Variants in DDAH1 observed in about 807,000 individuals in gnomAD.
DDAH1 encodes the protein N(G),N(G)-dimethylarginine dimethylaminohydrolase 1.
DDAH1 carries 19 observed loss-of-function variants against 28.8 expected under a neutral mutation model. The observed-to-expected ratio is 0.66, with a 90% CI of 0.46 to 0.97. DDAH1 has a LOEUF of 0.97. DDAH1 is among the 50% of genes least tolerant of loss of function. The pLI is 0.00. For synonymous variants in DDAH1, 153 were observed against 154.4 expected, an observed-to-expected ratio of 0.99 and a Z score of 0.07; for missense variants, 326 against 375.9, an observed-to-expected ratio of 0.87 and a Z score of 1.10.
chr1:85,428,423 T>C (rs1320925704), intron 1 of DDAH1, among the ~76,000 whole-genome samples: 2 of 152,040 alleles, frequency 1.3e-5, no homozygotes, highest in Non-Finnish European at 2.9e-5. Context: ...TCAGAACTCA[T>C]AAGACTTATT....
At chr1:85,520,935 A>G (rs1164726844) in intron 1 of DDAH1, among the ~76,000 whole-genome samples, 2 of 152,130 alleles carry the variant, frequency 1.3e-5, no homozygotes, top group Non-Finnish European at 2.9e-5. Context: ...AAGCATAAAG[A>G]AGGTATTTAT....
chr1:85,386,733 C>T (rs1404638234), intron 1 of DDAH1, among the ~76,000 whole-genome samples: 1 of 152,144 alleles, frequency 6.6e-6, no homozygotes, highest in Non-Finnish European at 1.5e-5. Context: ...CCTACATTTC[C>T]CTGCCACACT....
chr1:85,577,965 C>A, intron 1 of DDAH1: 1 of 985,456 alleles, frequency 1.0e-6, no homozygotes, highest in Non-Finnish European at 1.2e-6. Context: ...ACAGAATTAG[C>A]ACCCGAAGCA....
intron 1 of DDAH1, among the ~76,000 whole-genome samples, chr1:85,433,449 A>G (rs1653796247): frequency 6.6e-6 from 1 of 152,184 alleles, no homozygotes; most frequent in Non-Finnish European, 1.5e-5. Context: ...AAACAACGAC[A>G]ACTGCAATAA....
Position 85,464,751 on chromosome 1 carries a change from T to C in DDAH1, c.295A>G (p.Arg99Gly), listed in dbSNP as rs1413713606. 2 of 1,544,138 alleles carry C rather than the reference T, an allele frequency of 1.3e-6. No homozygotes were observed. The highest frequency in any genetic ancestry group is 1.7e-6 in the Non-Finnish European group (2 of 1,151,026). ...LITRPGAPSR[R>G]KEVDMMKEAL... ...CTCGAGTCGGCAGTTACCTCCTTCCTCCGGCTCGGCGCCCCGGGTCGGGTG... is the reference window on the plus strand; with the variant it reads ...CTCGAGTCGGCAGTTACCTCCTTCCCCCGGCTCGGCGCCCCGGGTCGGGTG... Residue 99 changes from arginine to glycine, a missense_variant, in exon 1 of 6, where the codon AGG (arginine) becomes GGG (glycine). Physicochemically the swap from Arg to Gly is moderately radical, Grantham distance 125. Transcript: ENST00000284031. This position sits in a 1 kb window ranked among gnomAD's most constrained non-coding sequence, Gnocchi z 4.4.
At chr1:85,365,104 A>G (rs1650002166) in intron 1 of DDAH1, among the ~76,000 whole-genome samples, 1 of 152,204 alleles carries the variant, frequency 6.6e-6, no homozygotes, top group Non-Finnish European at 1.5e-5. Flanking sequence ...CAACCTGATG[A>G]AGCAAGTACA....
At chr1:85,350,649 T>C in intron 3 of DDAH1, 115 bp from the exon 4 acceptor site, 1 of 1,287,102 alleles carries the variant, frequency 7.8e-7, no homozygotes, top group Non-Finnish European at 1.1e-6. Context: ...CCTTGAATAT[T>C]TGGAAGAAAA....
At chr1:85,501,141 A>G (rs979269803) in intron 1 of DDAH1, among the ~76,000 whole-genome samples, 3 of 152,226 alleles carry the variant, frequency 2.0e-5, no homozygotes, top group African/African-American at 7.2e-5. Flanking sequence ...TATGCTAGAC[A>G]TTAAACGCTA....
At chr1:85,436,757 G>A (rs1005934949) in intron 1 of DDAH1, among the ~76,000 whole-genome samples, 3 of 152,288 alleles carry the variant, frequency 2.0e-5, no homozygotes, top group African/African-American at 7.2e-5. Flanking sequence ...ATTACTGGTG[G>A]GAAGGGAGGC....
At chr1:85,537,870 TA>T (rs1391641947) in intron 1 of DDAH1, among the ~76,000 whole-genome samples, 4 of 151,732 alleles carry the variant, frequency 2.6e-5, no homozygotes, top group Admixed American at 1.3e-4. Context: ...AAAATCATTA[TA>T]AAAACAGAAA....
chr1:85,528,334 A>C (rs1657943719), intron 1 of DDAH1, among the ~76,000 whole-genome samples: 2 of 152,142 alleles, frequency 1.3e-5, no homozygotes, highest in African/African-American at 4.8e-5. Context: ...ATTAATTTCC[A>C]GACTCACCAA....
chr1:85,433,081 T>A (rs1653771712), intron 1 of DDAH1, among the ~76,000 whole-genome samples: 1 of 152,204 alleles, frequency 6.6e-6, no homozygotes, highest in South Asian at 2.1e-4. Flanking sequence ...TACATATATA[T>A]GCATACGTAC....
At chr1:85,447,636 T>C (rs556161291) in intron 1 of DDAH1, among the ~76,000 whole-genome samples, 10 of 152,220 alleles carry the variant, frequency 6.6e-5, no homozygotes, top group Non-Finnish European at 1.5e-4. Context: ...CCTAGTAATA[T>C]GATTGCTAGT....
chr1:85,431,536 CTCCTTCTT>C (rs1018226726), intron 1 of DDAH1, among the ~76,000 whole-genome samples: 4 of 151,952 alleles, frequency 2.6e-5, no homozygotes, highest in African/African-American at 9.7e-5. Context: ...TGGTCCCTCT[CTCCTTCTT>C]TCCTTCTTCC....
chr1:85,458,402 C>T (rs1187167528), intron 1 of DDAH1, among the ~76,000 whole-genome samples: 1 of 147,348 alleles, frequency 6.8e-6, no homozygotes, highest in Admixed American at 6.8e-5. Flanking sequence ...ACAAAGTGAA[C>T]TAGGATGACA....
chr1:85,487,705 C>T (rs1463867178), intron 2 of DDAH1, among the ~76,000 whole-genome samples: 1 of 152,150 alleles, frequency 6.6e-6, no homozygotes, highest in Non-Finnish European at 1.5e-5. Flanking sequence ...CCCTTATTCT[C>T]TATCTGCCTA....
Position 85,389,650 on chromosome 1 carries a change from G to A in DDAH1, c.304-30803C>T, listed in dbSNP as rs11809825. Among the ~76,000 whole-genome samples the A allele has an allele frequency of 4.9e-3, 741 of 152,266 alleles. 2 individuals are homozygous for A. The highest frequency in any genetic ancestry group is 0.017 in the African/African-American group (710 of 41,526). On this transcript the variant is annotated intron_variant, in intron 1 of 5. Transcript: ENST00000284031. ...ATGGCTATATAACCATGTAATGTACGGGGACTGGCACAGTGCCTACCAAAC... is the reference window on the plus strand; with the variant it reads ...ATGGCTATATAACCATGTAATGTACAGGGACTGGCACAGTGCCTACCAAAC...
chr1:85,557,967 T>G (rs541018140), intron 1 of DDAH1, among the ~76,000 whole-genome samples: 1 of 152,228 alleles, frequency 6.6e-6, no homozygotes, highest in East Asian at 1.9e-4. Flanking sequence ...AGCCACCCAA[T>G]CTGTGAGACT....
At chr1:85,554,287 T>TTG (rs2100797931) in intron 1 of DDAH1, among the ~76,000 whole-genome samples, 1 of 150,330 alleles carries the variant, frequency 6.7e-6, no homozygotes, top group African/African-American at 2.4e-5. Flanking sequence ...TTTTTTTTTT[T>TTG]TTTTTTTTTT....
Sources: allele counts gnomAD v4.1 joint callset (sites outside exome capture counted in the v4.1 genomes callset), GRCh38; gene constraint gnomAD v4.1.1; non-coding constraint Gnocchi (gnomAD v3.1); transcripts MANE v1.5; gene names NCBI Gene and HGNC (gene_info 2026-07-23, HGNC 2026-07-21).